Variants in RP1 observed in about 807,000 individuals in gnomAD.
RP1 encodes RP1 axonemal microtubule associated, also known as oxygen-regulated protein 1.
A neutral mutation model predicts 14.8 loss-of-function variants in RP1; 16 were observed. The observed-to-expected ratio is 1.08, with a 90% CI of 0.73 to 1.65. The LOEUF (loss-of-function observed/expected upper bound fraction) is 1.65, where lower values mean the gene tolerates loss of function less well. Ranked by LOEUF, RP1 falls within the 40% of genes most tolerant of loss-of-function variation. RP1 has a pLI of 0.00. For synonymous variants in RP1, 876 were observed against 883.6 expected, an observed-to-expected ratio of 0.99 and a Z score of 0.15; for missense variants, 2,631 against 2,535.0, an observed-to-expected ratio of 1.04 and a Z score of -0.81.
chr8:54,854,930 C>A (rs920983482), intron 26 of RP1, among the ~76,000 whole-genome samples: 4 of 152,072 alleles, frequency 2.6e-5, no homozygotes, highest in African/African-American at 9.7e-5. Context: ...TTATTTTAAC[C>A]ATTTTGAAGT....
chr8:54,869,550 T>C (rs1812533806), intron 28 of RP1, among the ~76,000 whole-genome samples: 1 of 152,158 alleles, frequency 6.6e-6, no homozygotes, highest in African/African-American at 2.4e-5. Flanking sequence ...AAACTCCAAG[T>C]GAGAAATTTT....
intron 25 of RP1, among the ~76,000 whole-genome samples, chr8:54,838,551 CA>C (rs1419822506): frequency 6.6e-6 from 1 of 151,758 alleles, no homozygotes; most frequent in Non-Finnish European, 1.5e-5. Context: ...GTGAGTGTTT[CA>C]ATGTATGTGC....
intron 24 of RP1, among the ~76,000 whole-genome samples, chr8:54,821,205 T>C (rs918177577): frequency 2.0e-5 from 3 of 152,034 alleles, no homozygotes; most frequent in Non-Finnish European, 2.9e-5. Context: ...AGGGGAAATA[T>C]AGTAATAACC....
intron 3 of RP1, 34 bp from the exon 4 acceptor site, chr8:54,624,636 A>G (rs1314321594): frequency 6.2e-7 from 1 of 1,609,362 alleles, no homozygotes; most frequent in Non-Finnish European, 8.5e-7. Context: ...TTATATTTTG[A>G]TGTGGGCACC....
At chr8:54,721,844 A>G (rs1029457114) in intron 16 of RP1, among the ~76,000 whole-genome samples, 1 of 152,246 alleles carries the variant, frequency 6.6e-6, no homozygotes, top group African/African-American at 2.4e-5. Context: ...TTCAAAATAC[A>G]AAATAATACT....
chr8:54,611,865 C>T (rs1042085740), upstream of RP1, among the ~76,000 whole-genome samples: 1 of 146,286 alleles, frequency 6.8e-6, no homozygotes, highest in Non-Finnish European at 1.5e-5. Context: ...TTTTCTTTCC[C>T]TCCCTCCCTC....
chr8:54,685,665 A>AT (rs572477978), intron 12 of RP1, among the ~76,000 whole-genome samples: 42 of 150,264 alleles, frequency 2.8e-4, no homozygotes, highest in East Asian at 7.8e-4. Flanking sequence ...ACATGATGAG[A>AT]TTTTTTTTTT....
chr8:54,584,532 C>A, intron 1 of RP1, among the ~76,000 whole-genome samples: 1 of 152,154 alleles, frequency 6.6e-6, no homozygotes, highest in Non-Finnish European at 1.5e-5. Context: ...TGGTGCAGAG[C>A]TGAGTTCAGT....
chr8:54,694,335 A>C (rs1807800569), intron 12 of RP1, among the ~76,000 whole-genome samples: 1 of 152,178 alleles, frequency 6.6e-6, no homozygotes, highest in Admixed American at 6.6e-5. Context: ...TGGCCTCATA[A>C]AATGAGTTAG....
intron 6 of RP1, among the ~76,000 whole-genome samples, chr8:54,658,009 C>A (rs1050816824): frequency 7.9e-5 from 12 of 152,182 alleles, no homozygotes; most frequent in African/African-American, 2.9e-4. Context: ...TGCAACAGAT[C>A]TTTAGAACTT....
At chr8:54,647,863 T>C (rs1806579383) in intron 3 of RP1, among the ~76,000 whole-genome samples, 1 of 152,096 alleles carries the variant, frequency 6.6e-6, no homozygotes, top group African/African-American at 2.4e-5. Flanking sequence ...GCTTTCATTT[T>C]TCTTATAGAT....
chr8:54,800,263 TTTTCTC>T (rs1810671944), intron 24 of RP1, among the ~76,000 whole-genome samples: 3 of 152,038 alleles, frequency 2.0e-5, no homozygotes, highest in African/African-American at 7.2e-5. Context: ...ACCTTCAAGA[TTTTCTC>T]TTTGTCTTTG....
Position 54,798,174 on chromosome 8 carries a change from C to T in RP1, c.3615+14464C>T, listed in dbSNP as rs543362863. On this transcript the variant is annotated intron_variant, in intron 24 of 28. Transcript: ENST00000637698. ...GACTACAGGCACGTGCCACCACGCC[C>T]GGCTAAGTTTTTTGTATTTTAGTAG... 4.6e-5 allele frequency among the ~76,000 whole-genome samples: 7 copies of T among 152,060 alleles called. No homozygotes were observed. The South Asian group carries it at 6.2e-4, about 14-fold the overall frequency.
At chr8:54,801,594 C>G (rs896892934) in intron 24 of RP1, among the ~76,000 whole-genome samples, 1 of 151,982 alleles carries the variant, frequency 6.6e-6, no homozygotes, top group Non-Finnish European at 1.5e-5. Flanking sequence ...GCCGTTACTA[C>G]CCCCAGCCAG....
At chr8:54,672,219 C>A (rs1173131672) in intron 7 of RP1, among the ~76,000 whole-genome samples, 1 of 152,166 alleles carries the variant, frequency 6.6e-6, no homozygotes, top group Non-Finnish European at 1.5e-5. Context: ...AAACTATCTG[C>A]CATTTCTGCC....
chr8:54,789,338 G>A (rs932279250), intron 24 of RP1, among the ~76,000 whole-genome samples: 6 of 152,184 alleles, frequency 3.9e-5, no homozygotes, highest in African/African-American at 7.2e-5. Flanking sequence ...GCCAAGCCAT[G>A]GAGCCTAACT....
intron 19 of RP1, among the ~76,000 whole-genome samples, chr8:54,748,015 G>A (rs527655541): frequency 2.0e-5 from 3 of 152,330 alleles, no homozygotes; most frequent in Admixed American, 1.3e-4. Context: ...TTCTCTTGAA[G>A]CTTTTTGATT....
chr8:54,675,533 C>T (rs1483162773), intron 8 of RP1, among the ~76,000 whole-genome samples: 2 of 152,098 alleles, frequency 1.3e-5, no homozygotes, highest in Non-Finnish European at 2.9e-5. Context: ...CTTCATGAAA[C>T]ATTTTTATAA....
At chr8:54,668,225 C>T (rs1008474255) in intron 7 of RP1, among the ~76,000 whole-genome samples, 1 of 152,050 alleles carries the variant, frequency 6.6e-6, no homozygotes, top group Non-Finnish European at 1.5e-5. Context: ...TTCCTATACA[C>T]CAATAACAGA....
Sources: allele counts gnomAD v4.1 joint callset (sites outside exome capture counted in the v4.1 genomes callset), GRCh38; gene constraint gnomAD v4.1.1; transcripts MANE v1.5; gene names NCBI Gene and HGNC (gene_info 2026-07-23, HGNC 2026-07-21).